The following RANBP2 variants were observed in gnomAD, a reference collection of about 807,000 sequenced individuals.
RANBP2 encodes the protein RAN binding protein 2, also known as E3 SUMO-protein ligase RanBP2.
Under a neutral mutation model 303.6 loss-of-function variants are expected in RANBP2, and 57 were observed. That is an observed-to-expected ratio of 0.19 (90% CI 0.15 to 0.23). The LOEUF (loss-of-function observed/expected upper bound fraction) is 0.23. Ranked by LOEUF, RANBP2 falls within the 10% of genes least tolerant of loss-of-function variation. The pLI, the probability that RANBP2 is intolerant of heterozygous loss-of-function variation, is 1.00. For synonymous variants in RANBP2, 1,167 were observed against 1,301.5 expected (o/e 0.90, Z 2.23); for missense variants, 3,138 against 3,780.8 (o/e 0.83, Z 4.46).
the RANBP2 span, among the ~76,000 whole-genome samples, chr2:109,604,449 G>A: frequency 0.01 from 1,548 of 148,440 alleles, 33 homozygotes; most frequent in African/African-American, 0.037. Context: ...AAAAGAGGCC[G>A]GGCGTGGTGG....
chr2:108,876,042 C>T, the RANBP2 span: 3 of 1,265,128 alleles, frequency 2.4e-6, no homozygotes, highest in East Asian at 2.4e-5. Context: ...TGCAGATAAA[C>T]TCTCTAAGTA....
chr2:108,950,003 G>A, the RANBP2 span, among the ~76,000 whole-genome samples: 678 of 152,314 alleles, frequency 4.5e-3, 6 homozygotes, highest in African/African-American at 0.015. Flanking sequence ...CAGCAAACTG[G>A]ACAAATCAAT....
At chr2:109,212,828 G>T in the RANBP2 span, among the ~76,000 whole-genome samples, 1 of 152,194 alleles carries the variant, frequency 6.6e-6, no homozygotes, top group African/African-American at 2.4e-5. Flanking sequence ...CTGGTGAGCT[G>T]GTGTGGGGTA....
the RANBP2 span, among the ~76,000 whole-genome samples, chr2:109,203,288 A>G: frequency 6.6e-6 from 1 of 152,238 alleles, no homozygotes; most frequent in African/African-American, 2.4e-5. Context: ...TTAAGAGGCT[A>G]CAGGTGGCTC....
the RANBP2 span, among the ~76,000 whole-genome samples, chr2:108,840,737 CTG>C: frequency 6.6e-6 from 1 of 151,992 alleles, no homozygotes; most frequent in Non-Finnish European, 1.5e-5. Flanking sequence ...AGAAGTTTCT[CTG>C]TTTCTCCATT....
the RANBP2 span, among the ~76,000 whole-genome samples, chr2:109,412,765 A>C: frequency 1.3e-5 from 2 of 152,162 alleles, no homozygotes; most frequent in South Asian, 4.1e-4. Flanking sequence ...GTGTAGATTA[A>C]AAAATAATAA....
the RANBP2 span, among the ~76,000 whole-genome samples, chr2:109,695,784 C>A: frequency 1.3e-5 from 2 of 152,218 alleles, no homozygotes; most frequent in Admixed American, 1.3e-4. Context: ...CTGCTGGGGG[C>A]AGTTTTTCCA....
At chr2:108,870,426 G>A in the RANBP2 span, among the ~76,000 whole-genome samples, 1 of 152,140 alleles carries the variant, frequency 6.6e-6, no homozygotes, top group African/African-American at 2.4e-5. Flanking sequence ...AAAAGAGAAA[G>A]GGTGGAAAGA....
the RANBP2 span, among the ~76,000 whole-genome samples, chr2:109,697,634 C>T: frequency 6.6e-6 from 1 of 151,956 alleles, no homozygotes; most frequent in Non-Finnish European, 1.5e-5. Context: ...TTTTTTGTAA[C>T]TTCTTTGGAA....
At chr2:109,631,933 G>T in the RANBP2 span, among the ~76,000 whole-genome samples, 5 of 152,010 alleles carry the variant, frequency 3.3e-5, no homozygotes, top group Non-Finnish European at 5.9e-5. Context: ...TCAAGATGGG[G>T]GCTGGTTACC....
chr2:109,496,145 C>T, the RANBP2 span, among the ~76,000 whole-genome samples: 3 of 152,226 alleles, frequency 2.0e-5, no homozygotes, highest in Admixed American at 1.3e-4. Flanking sequence ...TTTCCATCCT[C>T]CCTGTGATTG....
At chr2:109,236,163 A>G in the RANBP2 span, among the ~76,000 whole-genome samples, 1 of 152,220 alleles carries the variant, frequency 6.6e-6, no homozygotes, top group African/African-American at 2.4e-5. Context: ...TAGAACTCTT[A>G]ATCACTGCCA....
At chr2:109,557,273 TCA>T in the RANBP2 span, among the ~76,000 whole-genome samples, 1 of 152,178 alleles carries the variant, frequency 6.6e-6, no homozygotes, top group Non-Finnish European at 1.5e-5. Context: ...CTTGAGTTGT[TCA>T]CAAGGAAAAT....
At chr2:109,604,901 G>A in the RANBP2 span, 3 of 152,250 alleles carry the variant, frequency 2.0e-5, no homozygotes, top group African/African-American at 4.8e-5. Flanking sequence ...CTGAGTCCAA[G>A]TGACTCAAAC....
In RANBP2 at chr2:108,764,815, G is replaced by T; in HGVS notation, c.4276G>T (p.Val1426Leu). 6.2e-7 allele frequency: 1 copy of T among 1,614,044 alleles called. No individual in the cohort carries two copies. Among genetic ancestry groups the T allele is most frequent in the Non-Finnish European group, 8.5e-7 (1 of 1,179,986 alleles). ...TCACTGGGATTGTAGTATTTGTTTA[G>T]TAAGAAATGAACCTACTGTATCTAG... ...EGHWDCSICL[V>L]RNEPTVSRCI... Residue 1426 changes from valine to leucine, a missense_variant, in exon 20 of 29, where the codon GTA (valine) becomes TTA (leucine). By Grantham distance (32) the Val-to-Leu change is conservative. Coordinates refer to ENST00000283195, the MANE Select transcript of RANBP2 (RefSeq NM_006267.5).
chr2:109,419,613 G>T, the RANBP2 span: 1 of 1,589,904 alleles, frequency 6.3e-7, no homozygotes, highest in South Asian at 1.1e-5. Context: ...AGCAGGGCAC[G>T]CCTCCCAAGG....
the RANBP2 span, among the ~76,000 whole-genome samples, chr2:109,631,177 G>T: frequency 6.6e-6 from 1 of 152,194 alleles, no homozygotes; most frequent in Admixed American, 6.6e-5. Context: ...TGACCTGGAA[G>T]CTGACTGTGG....
At chr2:109,408,024 A>G in the RANBP2 span, among the ~76,000 whole-genome samples, 1,111 of 152,286 alleles carry the variant, frequency 7.3e-3, 10 homozygotes, top group East Asian at 0.045. Flanking sequence ...GGGCAGAGTC[A>G]GGAAAGATCC....
the RANBP2 span, among the ~76,000 whole-genome samples, chr2:108,799,521 TC>T: frequency 6.6e-6 from 1 of 152,240 alleles, no homozygotes; most frequent in Non-Finnish European, 1.5e-5. Context: ...ATCTGCCTTT[TC>T]CAGAATGTCA....
Sources: gnomAD v4.1 joint callset for allele counts (sites outside exome capture counted in the v4.1 genomes callset) on GRCh38, gnomAD v4.1.1 for gene constraint, MANE v1.5 for transcripts, NCBI Gene and HGNC (gene_info 2026-07-23, HGNC 2026-07-21) for gene names.